Variants in CDC42BPB observed in about 807,000 individuals in gnomAD.
CDC42BPB encodes the protein serine/threonine-protein kinase MRCK beta.
Under a neutral mutation model 214.9 loss-of-function variants are expected in CDC42BPB, and 37 were observed. The ratio of observed to expected loss-of-function variants is 0.17; its 90% CI spans 0.13 to 0.23. The LOEUF is 0.23. Ranked by LOEUF, CDC42BPB falls within the 10% of genes least tolerant of loss-of-function variation. The probability of loss-of-function intolerance (pLI) is 1.00; values close to 1 mark genes in which losing one functional copy is unlikely to be tolerated. For synonymous variants in CDC42BPB, 931 were observed against 884.0 expected (o/e 1.05, Z -0.94); for missense variants, 1,694 against 2,227.0 (o/e 0.76, Z 4.82).
intron 1 of CDC42BPB, chr14:103,041,649 C>A: frequency 1.6e-6 from 1 of 635,948 alleles, no homozygotes; most frequent in South Asian, 1.9e-5. Flanking sequence ...TGTGGTGCCG[C>A]ACAGTGCGAA....
chr14:102,976,177 TTA>T, intron 9 of CDC42BPB, 128 bp from the exon 10 acceptor site: 2 of 1,461,848 alleles, frequency 1.4e-6, no homozygotes, highest in Non-Finnish European at 1.8e-6. Context: ...AGATAAGACT[TTA>T]TGGTTTATGG....
At chr14:102,997,441 T>C (rs1894792518) in intron 5 of CDC42BPB, among the ~76,000 whole-genome samples, 2 of 151,690 alleles carry the variant, frequency 1.3e-5, no homozygotes, top group South Asian at 4.2e-4. Context: ...AAAAGAAAAA[T>C]GAACGGCTCG....
intron 2 of CDC42BPB, among the ~76,000 whole-genome samples, chr14:103,010,164 G>A (rs1886068630): frequency 6.6e-6 from 1 of 152,194 alleles, no homozygotes; most frequent in African/African-American, 2.4e-5. Flanking sequence ...GCACATGCCT[G>A]TAGTCACAAC....
chr14:102,988,353 TAAA>T (rs57459341), intron 5 of CDC42BPB, among the ~76,000 whole-genome samples: 5,397 of 124,164 alleles, frequency 0.043, 317 homozygotes, highest in African/African-American at 0.14. Flanking sequence ...TTCCAGAAAT[TAAA>T]AAAAAAAAAA....
chr14:103,048,530 T>TACAAAA (rs1888421339), intron 1 of CDC42BPB, among the ~76,000 whole-genome samples: 5 of 5,716 alleles, frequency 8.7e-4, no homozygotes. Flanking sequence ...CTACTAAAAA[T>TACAAAA]ACAAAAAAAA....
At chr14:103,055,048 C>T (rs748518942) in intron 1 of CDC42BPB, among the ~76,000 whole-genome samples, 1 of 152,284 alleles carries the variant, frequency 6.6e-6, no homozygotes, top group Non-Finnish European at 1.5e-5. Context: ...GCTTCCTCTT[C>T]CCAGTCACAC....
intron 8 of CDC42BPB, chr14:102,978,415 A>G: frequency 1.3e-6 from 1 of 788,200 alleles, no homozygotes; most frequent in Non-Finnish European, 1.5e-6. Flanking sequence ...TGTACAATAA[A>G]GCTCACAGGA....
At position 102,964,522 on chromosome 14, in the gene CDC42BPB, G is replaced by A. The variant is rs749875982; in HGVS notation, c.2706C>T (p.Asp902=). The change falls in exon 19 of 37, where the codon GAC becomes GAT. Residue 902 remains aspartate (D), a synonymous_variant. Transcript: ENST00000361246. ...LVQEELRKVK[D]ANLTLESKLK... is the part of the protein sequence containing the mutation. ...AGTACCTTTCCAAGGTGAGGTTGGCGTCCTTGACCTTCCTGAGCTCCTCCT... is the reference window on the plus strand; with the variant it reads ...AGTACCTTTCCAAGGTGAGGTTGGCATCCTTGACCTTCCTGAGCTCCTCCT... 2.0e-5 allele frequency: 32 copies of A among 1,613,742 alleles called. No homozygotes were observed. The highest frequency in any genetic ancestry group is 6.6e-5 in the South Asian group (6 of 91,076).
At position 102,998,798 on chromosome 14, in the gene CDC42BPB, T is replaced by G. The variant is rs921102028; in HGVS notation, c.596+767A>C. Among the ~76,000 whole-genome samples the G allele has an allele frequency of 2.3e-4, 35 of 151,544 alleles. 1 individual carries two copies. Among genetic ancestry groups the G allele is most frequent in the Non-Finnish European group, 7.4e-5 (5 of 67,856 alleles). On this transcript the variant is annotated intron_variant, in intron 5 of 36. Transcript: ENST00000361246. ...CAGCACGGCACAGAGAAGACCAGAG[T>G]TGAGAAAGAATGTGGGGACAGAGGG...
intron 19 of CDC42BPB, among the ~76,000 whole-genome samples, chr14:102,963,668 G>A (rs1428419045): frequency 6.6e-6 from 1 of 152,216 alleles, no homozygotes; most frequent in Non-Finnish European, 1.5e-5. Context: ...TCATCAGTGG[G>A]GTGACAGTGG....
In CDC42BPB at chr14:102,943,506, GC is replaced by G. The variant is rs773715824; in HGVS notation, c.4408+384del. Among the ~76,000 whole-genome samples the G allele has an allele frequency of 1.4e-4, 22 of 152,024 alleles. No individual in the cohort carries two copies. Among genetic ancestry groups the G allele is most frequent in the Admixed American group, 6.6e-4 (10 of 15,264 alleles). Reference sequence around the variant, plus strand: ...TTTTCTGGCCACCAAAACCCCTCAAGCTTGTCTTTACTACTGTGTAAGTTTC... The same window carrying G: ...TTTTCTGGCCACCAAAACCCCTCAAGTTGTCTTTACTACTGTGTAAGTTTC... On this transcript the variant is annotated intron_variant, in intron 30 of 36. Transcript: ENST00000361246. The surrounding 1 kb of genome is among the most constrained non-coding windows in gnomAD (Gnocchi z 4.6).
rs1446810002 is a variant in CDC42BPB, at chr14:103,008,357, G to C, written c.351+115C>G. On this transcript the variant is annotated intron_variant, in intron 3 of 36. Coordinates refer to ENST00000361246, the MANE Select transcript of CDC42BPB (RefSeq NM_006035.4). Reference sequence around the variant, plus strand: ...AAAAGAGAGTGCTCGCTCTGTCCGGGGGGCAGGGAGGCCCAGGGCTGTGGG... The same window carrying C: ...AAAAGAGAGTGCTCGCTCTGTCCGGCGGGCAGGGAGGCCCAGGGCTGTGGG... 5.5e-6 allele frequency: 4 copies of C among 722,892 alleles called. No individual in the cohort carries two copies. The Admixed American group carries it at 8.2e-5, about 15-fold the overall frequency. 44.8% of individuals were successfully genotyped at this position (722,892 alleles called of 1,614,324 possible).
chr14:102,949,348 T>A (rs897036921), intron 26 of CDC42BPB, among the ~76,000 whole-genome samples: 4 of 152,114 alleles, frequency 2.6e-5, no homozygotes, highest in Non-Finnish European at 5.9e-5. Flanking sequence ...CACACCCACA[T>A]GGCCCACGGC....
rs186202344 is a variant in CDC42BPB, at chr14:102,967,370, T to C, written c.2347-200A>G. The C allele has an allele frequency of 3.0e-5, 30 of 985,388 alleles. No individual in the cohort carries two copies. The African/African-American group carries it at 4.4e-4, about 14-fold the overall frequency. The allele number at this position is 985,388 out of a possible 1,614,324, so 61.0% of individuals were successfully genotyped here. A position where few individuals can be genotyped will look rare whatever the true frequency, so the allele number is the denominator to read the frequency against. On this transcript the variant is annotated intron_variant, in intron 16 of 36. Coordinates refer to ENST00000361246, the MANE Select transcript of CDC42BPB (RefSeq NM_006035.4). ...TTTCAATTCAAATCTAAACCTAAAC[T>C]GATGGAGCTGGAGCTAGTGACTTCA...
chr14:103,029,360 T>C (rs948616854), intron 1 of CDC42BPB, among the ~76,000 whole-genome samples: 4 of 151,672 alleles, frequency 2.6e-5, no homozygotes, highest in African/African-American at 7.3e-5. Context: ...GCTAACACGG[T>C]GAAACCCTGT....
intron 36 of CDC42BPB, 80 bp from the exon 37 acceptor site, chr14:102,933,923 T>C: frequency 6.9e-7 from 1 of 1,451,118 alleles, no homozygotes; most frequent in Non-Finnish European, 9.0e-7. Flanking sequence ...ATGCAAATGT[T>C]TGCTCAGGGA....
intron 1 of CDC42BPB, among the ~76,000 whole-genome samples, chr14:103,046,995 G>A (rs1402090357): frequency 6.6e-6 from 1 of 150,990 alleles, no homozygotes; most frequent in Non-Finnish European, 1.5e-5. Flanking sequence ...TCATTTTTAA[G>A]TGTTCTTGGC....
intron 19 of CDC42BPB, among the ~76,000 whole-genome samples, chr14:102,964,037 G>A (rs888562590): frequency 8.5e-5 from 13 of 152,258 alleles, no homozygotes; most frequent in African/African-American, 2.9e-4. Flanking sequence ...TGAAAATGGC[G>A]TTCTCGTTAC....
At chr14:102,965,842 G>T (rs2139449049) in intron 18 of CDC42BPB, among the ~76,000 whole-genome samples, 2 of 152,290 alleles carry the variant, frequency 1.3e-5, no homozygotes, top group South Asian at 2.1e-4. Context: ...TGTAATCCCA[G>T]CTACTCGGGG....
Sources: gnomAD v4.1 joint callset for allele counts (sites outside exome capture counted in the v4.1 genomes callset) on GRCh38, gnomAD v4.1.1 for gene constraint, Gnocchi (gnomAD v3.1) non-coding constraint, MANE v1.5 for transcripts, NCBI Gene and HGNC (gene_info 2026-07-23, HGNC 2026-07-21) for gene names.